PRKCH: variants seen among roughly 807,000 people sequenced by gnomAD.
PRKCH encodes protein kinase C eta.
A neutral mutation model predicts 82.5 loss-of-function variants in PRKCH; 28 were observed. That is an observed-to-expected ratio of 0.34 (90% CI 0.25 to 0.47). The LOEUF is 0.47. PRKCH is among the 20% of genes least tolerant of loss of function. The pLI, the probability that PRKCH is intolerant of heterozygous loss-of-function variation, is 1.00. For synonymous variants in PRKCH, 322 were observed against 327.4 expected, an observed-to-expected ratio of 0.98 and a Z score of 0.18; for missense variants, 705 against 881.8, an observed-to-expected ratio of 0.80 and a Z score of 2.54.
At chr14:61,483,198 C>T (rs1886060583) in intron 9 of PRKCH, among the ~76,000 whole-genome samples, 1 of 152,268 alleles carries the variant, frequency 6.6e-6, no homozygotes, top group African/African-American at 2.4e-5. Flanking sequence ...TATGCAGATG[C>T]AGCTTTTTGG....
At chr14:61,539,165 C>T (rs2043149785) in intron 12 of PRKCH, among the ~76,000 whole-genome samples, 1 of 152,152 alleles carries the variant, frequency 6.6e-6, no homozygotes, top group African/African-American at 2.4e-5. Context: ...TTTCCATCTC[C>T]GAGACTTGCC....
Position 61,550,063 on chromosome 14 carries a change from C to G in PRKCH, c.*232C>G, listed in dbSNP as rs1481102495. ...ATGAAATGAGATTTTATGAAGTATACCGCTCCACCTATGAGCGTCTGTCTC... is the reference window on the plus strand; with the variant it reads ...ATGAAATGAGATTTTATGAAGTATAGCGCTCCACCTATGAGCGTCTGTCTC... On this transcript the variant is annotated 3_prime_UTR_variant, in exon 14 of 14. Coordinates refer to ENST00000332981, the MANE Select transcript of PRKCH (RefSeq NM_006255.5). 7 of 462,544 alleles carry G rather than the reference C, an allele frequency of 1.5e-5. No homozygotes were observed. Among genetic ancestry groups the G allele is most frequent in the Admixed American group, 3.6e-5 (1 of 27,702 alleles). 28.7% of individuals were successfully genotyped at this position (462,544 alleles called of 1,614,324 possible). A position where few individuals can be genotyped will look rare whatever the true frequency, so the allele number is the denominator to read the frequency against.
chr14:61,538,292 G>T (rs1594796354), intron 12 of PRKCH, among the ~76,000 whole-genome samples: 1 of 152,190 alleles, frequency 6.6e-6, no homozygotes, highest in African/African-American at 2.4e-5. Context: ...GGAAAGGAAG[G>T]TGCCCCACAG....
rs774148737 is a variant in PRKCH, at chr14:61,280,709, A to T, written c.-19+93041A>T. Reference sequence around the variant, plus strand: ...GCCGCGCTGCGCTGGTAGGGGGCGCACTCGTTGACAGGGTGGCGCAGCGCG... The same window carrying T: ...GCCGCGCTGCGCTGGTAGGGGGCGCTCTCGTTGACAGGGTGGCGCAGCGCG... On this transcript the variant is annotated intron_variant, in intron 1 of 3. Transcript: ENST00000555185. The surrounding 1 kb of genome is among the most constrained non-coding windows in gnomAD (Gnocchi z 5.0). The T allele has an allele frequency of 1.2e-5, 19 of 1,578,906 alleles. No homozygotes were observed. The highest frequency in any genetic ancestry group is 1.6e-5 in the Non-Finnish European group (19 of 1,165,972).
chr14:61,192,343 A>G (rs1181023943), intron 1 of PRKCH, among the ~76,000 whole-genome samples: 1 of 152,182 alleles, frequency 6.6e-6, no homozygotes, highest in African/African-American at 2.4e-5. Context: ...AACAACTCTG[A>G]GCCTAGGTTT....
chr14:61,549,208 C>T (rs1185843138), intron 13 of PRKCH, among the ~76,000 whole-genome samples: 2 of 152,194 alleles, frequency 1.3e-5, no homozygotes, highest in South Asian at 2.1e-4. Context: ...AACAGTTGTT[C>T]CCTAAGCTCA....
At chr14:61,198,280 C>A (rs2044455056) in intron 1 of PRKCH, among the ~76,000 whole-genome samples, 3 of 152,204 alleles carry the variant, frequency 2.0e-5, no homozygotes, top group Non-Finnish European at 4.4e-5. Context: ...GTAGCCTCAG[C>A]CTTCTTCAAA....
At chr14:61,359,541 A>C (rs1448848650) in intron 1 of PRKCH, among the ~76,000 whole-genome samples, 1 of 152,188 alleles carries the variant, frequency 6.6e-6, no homozygotes, top group East Asian at 1.9e-4. Flanking sequence ...TTTTCTGAGG[A>C]GTGTCATACC....
At chr14:61,515,572 G>A (rs2042813560) in intron 10 of PRKCH, among the ~76,000 whole-genome samples, 1 of 152,196 alleles carries the variant, frequency 6.6e-6, no homozygotes, top group Non-Finnish European at 1.5e-5. Flanking sequence ...AGACGACGGT[G>A]TTGTGGCTGG....
chr14:61,287,228 A>G (rs1393367434), intron 1 of PRKCH, among the ~76,000 whole-genome samples: 2 of 147,822 alleles, frequency 1.4e-5, no homozygotes, highest in Non-Finnish European at 3.0e-5. Context: ...AAAAAAAAAA[A>G]AAAAAAGATA....
At chr14:61,506,588 A>G (rs929567873) in intron 10 of PRKCH, among the ~76,000 whole-genome samples, 6 of 152,156 alleles carry the variant, frequency 3.9e-5, no homozygotes, top group Non-Finnish European at 7.3e-5. Flanking sequence ...GCTCTTCAGA[A>G]TTCCATGAAG....
intron 10 of PRKCH, 118 bp downstream of exon 10, chr14:61,485,774 G>T: frequency 7.3e-7 from 1 of 1,370,380 alleles, no homozygotes; most frequent in East Asian, 2.4e-5. Flanking sequence ...TAAATTCACA[G>T]AAGTTTTGTT....
At chr14:61,419,563 G>C (rs1301824499) in intron 2 of PRKCH, among the ~76,000 whole-genome samples, 1 of 152,188 alleles carries the variant, frequency 6.6e-6, no homozygotes, top group Non-Finnish European at 1.5e-5. Flanking sequence ...CTCCAGTTGA[G>C]AATCAATGCA....
intron 1 of PRKCH, among the ~76,000 whole-genome samples, chr14:61,388,165 A>AAAAG: frequency 6.6e-6 from 1 of 151,802 alleles, no homozygotes; most frequent in African/African-American, 2.4e-5. Context: ...AAAAAAAAAA[A>AAAAG]AAAGAAAGAA....
chr14:61,225,526 A>G (rs1201372091), intron 1 of PRKCH, among the ~76,000 whole-genome samples: 1 of 152,198 alleles, frequency 6.6e-6, no homozygotes, highest in African/African-American at 2.4e-5. Flanking sequence ...TCCTCTGTGA[A>G]GGGCTCACAG....
At chr14:61,267,252 A>G (rs1486862400) in intron 1 of PRKCH, among the ~76,000 whole-genome samples, 1 of 152,222 alleles carries the variant, frequency 6.6e-6, no homozygotes, top group Non-Finnish European at 1.5e-5. Context: ...GTGGTCATCA[A>G]CTTCGCATAC....
chr14:61,342,139 C>T (rs1294451072), intron 1 of PRKCH, among the ~76,000 whole-genome samples: 1 of 151,998 alleles, frequency 6.6e-6, no homozygotes, highest in Non-Finnish European at 1.5e-5. Flanking sequence ...CAGAGCCTTT[C>T]CTACGTGGCC....
rs1566819682 is a variant in PRKCH, at chr14:61,322,549, C to G, written c.363+85C>G. Reference sequence around the variant, plus strand: ...TCAAAACTCACCCGGGTCCCGCTTTCCCATCGCTTTGTGGCTGAGGGAATT... The same window carrying G: ...TCAAAACTCACCCGGGTCCCGCTTTGCCATCGCTTTGTGGCTGAGGGAATT... On this transcript the variant is annotated intron_variant, in intron 1 of 13. Coordinates refer to ENST00000332981, the MANE Select transcript of PRKCH (RefSeq NM_006255.5). The G allele has an allele frequency of 5.3e-6, 8 of 1,495,338 alleles. No individual in the cohort carries two copies. In the Admixed American group the frequency reaches 1.5e-4, roughly 27 times the overall value. The allele number at this position is 1,495,338 out of a possible 1,614,324, so 92.6% of individuals were successfully genotyped here. A position where few individuals can be genotyped will look rare whatever the true frequency, so the allele number is the denominator to read the frequency against.
At chr14:61,528,500 A>AT (rs2042999734) in intron 10 of PRKCH, among the ~76,000 whole-genome samples, 1 of 152,192 alleles carries the variant, frequency 6.6e-6, no homozygotes, top group Non-Finnish European at 1.5e-5. Context: ...TTTCTTAAGT[A>AT]CATTATGCCA....
Sources: allele counts gnomAD v4.1 joint callset (sites outside exome capture counted in the v4.1 genomes callset), GRCh38; gene constraint gnomAD v4.1.1; non-coding constraint Gnocchi (gnomAD v3.1); transcripts MANE v1.5; gene names NCBI Gene and HGNC (gene_info 2026-07-23, HGNC 2026-07-21).